Variants in BMERB1 observed in about 807,000 individuals in gnomAD.
The protein encoded by BMERB1 is bMERB domain-containing protein 1.
Under a neutral mutation model 23.6 loss-of-function variants are expected in BMERB1, and 12 were observed. The observed-to-expected ratio is 0.51, with a 90% confidence interval of 0.33 to 0.82. The LOEUF is 0.82. Among genes scored for constraint, BMERB1 ranks in the 40% least tolerant of loss-of-function variants. The pLI is 0.03. For synonymous variants in BMERB1, 122 were observed against 96.6 expected, an observed-to-expected ratio of 1.26 and a Z score of -1.54; for missense variants, 247 against 255.4, an observed-to-expected ratio of 0.97 and a Z score of 0.22.
chr16:15,554,854 G>A (rs915578775), intron 2 of BMERB1, among the ~76,000 whole-genome samples: 3 of 151,810 alleles, frequency 2.0e-5, no homozygotes, highest in South Asian at 2.1e-4. Flanking sequence ...TTTCAGTAGA[G>A]ACAGGGTTTC....
intron 1 of BMERB1, among the ~76,000 whole-genome samples, chr16:15,456,827 A>G (rs1461772261): frequency 2.0e-5 from 3 of 152,066 alleles, no homozygotes; most frequent in South Asian, 4.2e-4. Context: ...TCCTCTATAT[A>G]AATTCACTTT....
chr16:15,563,806 C>G (rs1319352871), intron 2 of BMERB1, among the ~76,000 whole-genome samples: 1 of 152,178 alleles, frequency 6.6e-6, no homozygotes, highest in Non-Finnish European at 1.5e-5. Flanking sequence ...CACCTCCCCC[C>G]AGGCCCCTCC....
In BMERB1 at chr16:15,570,451, T is replaced by C. The variant is rs537702592; in HGVS notation, c.304+2395T>C. Among the ~76,000 whole-genome samples the C allele has an allele frequency of 7.9e-5, 12 of 152,280 alleles. No individual in the cohort carries two copies. In the South Asian group the frequency reaches 2.1e-3, roughly 26 times the overall value. The stretch of plus-strand genomic sequence containing the variant: ...TTCCTTTGGGGTTGATCATTTTTTG[T>C]TGGGGGTACGGGGCTCTGTGTTGTG... On this transcript the variant is annotated intron_variant, in intron 3 of 5. Transcript: ENST00000300006.
chr16:15,447,872 G>A (rs1040817642), intron 1 of BMERB1: 24 of 455,726 alleles, frequency 5.3e-5, no homozygotes, highest in Admixed American at 2.4e-5. Flanking sequence ...AGGGATGGAG[G>A]GAAAGAAGTA....
intron 2 of BMERB1, among the ~76,000 whole-genome samples, chr16:15,531,278 C>G (rs1398711839): frequency 2.0e-5 from 3 of 152,044 alleles, no homozygotes; most frequent in Non-Finnish European, 4.4e-5. Flanking sequence ...TGGACTAATA[C>G]AGTTGGGATC....
intron 2 of BMERB1, among the ~76,000 whole-genome samples, chr16:15,522,978 G>T (rs1453862661): frequency 6.6e-6 from 1 of 152,124 alleles, no homozygotes; most frequent in African/African-American, 2.4e-5. Context: ...TTCTTGCCTT[G>T]GTGCACCAGA....
chr16:15,506,282 TCTC>T (rs2051590586), intron 1 of BMERB1, among the ~76,000 whole-genome samples: 2 of 152,024 alleles, frequency 1.3e-5, no homozygotes, highest in Admixed American at 1.3e-4. Flanking sequence ...TTCACACCAT[TCTC>T]CTGCCTCAGC....
chr16:15,581,124 C>G (rs2031003481), intron 3 of BMERB1, 93 bp from the exon 4 acceptor site: 1 of 855,446 alleles, frequency 1.2e-6, no homozygotes, highest in Non-Finnish European at 1.8e-6. Context: ...ACCATGTTGA[C>G]CAGGCTGGTC....
At chr16:15,531,148 C>T (rs1004879086) in intron 2 of BMERB1, among the ~76,000 whole-genome samples, 1 of 151,978 alleles carries the variant, frequency 6.6e-6, no homozygotes, top group Non-Finnish European at 1.5e-5. Flanking sequence ...ACCTCGTGAT[C>T]CGCCCACCTC....
chr16:15,531,345 A>G (rs914838518), intron 2 of BMERB1, among the ~76,000 whole-genome samples: 3 of 152,142 alleles, frequency 2.0e-5, no homozygotes, highest in Non-Finnish European at 4.4e-5. Context: ...CCTCCCGCCT[A>G]GGCCTCCTAA....
At chr16:15,562,822 G>T (rs2030461026) in intron 2 of BMERB1, among the ~76,000 whole-genome samples, 1 of 152,202 alleles carries the variant, frequency 6.6e-6, no homozygotes, top group Non-Finnish European at 1.5e-5. Context: ...TGCCCTCCCG[G>T]CAAGTCCACG....
chr16:15,441,713 G>T (rs1219228829), intron 1 of BMERB1, among the ~76,000 whole-genome samples: 2 of 152,050 alleles, frequency 1.3e-5, no homozygotes, highest in African/African-American at 4.8e-5. Context: ...TAGAGATGGG[G>T]TTTTGCTGTG....
At chr16:15,459,792 G>C (rs1344002425) in intron 1 of BMERB1, among the ~76,000 whole-genome samples, 1 of 152,148 alleles carries the variant, frequency 6.6e-6, no homozygotes, top group Non-Finnish European at 1.5e-5. Context: ...ATGGGGAAAA[G>C]AAATCACAGT....
chr16:15,532,770 C>G (rs939726566), intron 2 of BMERB1, among the ~76,000 whole-genome samples: 1 of 151,970 alleles, frequency 6.6e-6, no homozygotes, highest in African/African-American at 2.4e-5. Flanking sequence ...TGGTCTCAAT[C>G]TCCTGACCTC....
chr16:15,552,292 T>C (rs1005747304), intron 2 of BMERB1, among the ~76,000 whole-genome samples: 15 of 151,756 alleles, frequency 9.9e-5, no homozygotes, highest in African/African-American at 3.4e-4. Context: ...ATACAAAAAT[T>C]AGCAGGGTAT....
intron 2 of BMERB1, among the ~76,000 whole-genome samples, chr16:15,535,253 A>G (rs1479524303): frequency 1.3e-5 from 2 of 152,114 alleles, no homozygotes; most frequent in Non-Finnish European, 2.9e-5. Flanking sequence ...CTAGAGGCTG[A>G]GGTGGGAGGA....
chr16:15,533,913 C>T (rs936848324), intron 2 of BMERB1, among the ~76,000 whole-genome samples: 10 of 152,084 alleles, frequency 6.6e-5, no homozygotes, highest in Non-Finnish European at 1.5e-4. Flanking sequence ...GTGTTGCCAC[C>T]GCCTAGGGAA....
chr16:15,527,908 T>C (rs2051925898), intron 2 of BMERB1, among the ~76,000 whole-genome samples: 2 of 152,090 alleles, frequency 1.3e-5, no homozygotes, highest in Non-Finnish European at 2.9e-5. Context: ...CTCCACCTCA[T>C]ATATTCAGTT....
intron 2 of BMERB1, among the ~76,000 whole-genome samples, chr16:15,564,494 A>G (rs1171856521): frequency 1.3e-5 from 2 of 152,228 alleles, no homozygotes; most frequent in African/African-American, 4.8e-5. Flanking sequence ...GTAATTCTAA[A>G]TAGGACAATT....
Sources: allele counts gnomAD v4.1 joint callset (sites outside exome capture counted in the v4.1 genomes callset), GRCh38; gene constraint gnomAD v4.1.1; transcripts MANE v1.5; gene names NCBI Gene and HGNC (gene_info 2026-07-23, HGNC 2026-07-21).